Variants in OSBPL1A observed in about 807,000 individuals in gnomAD.
OSBPL1A encodes the protein oxysterol binding protein like 1A.
A neutral mutation model predicts 137.1 loss-of-function variants in OSBPL1A; 80 were observed. The observed-to-expected ratio is 0.58, with a 90% confidence interval of 0.49 to 0.70. OSBPL1A has a LOEUF of 0.70. OSBPL1A is among the 30% of genes least tolerant of loss of function. The pLI, the probability that OSBPL1A is intolerant of heterozygous loss-of-function variation, is 0.00. For synonymous variants in OSBPL1A, 365 were observed against 389.7 expected (o/e 0.94, Z 0.75); for missense variants, 970 against 1,129.4 (o/e 0.86, Z 2.02).
chr18:24,258,971 C>T (rs2146038572), intron 15 of OSBPL1A, among the ~76,000 whole-genome samples: 1 of 131,330 alleles, frequency 7.6e-6, no homozygotes, highest in Admixed American at 8.6e-5. Flanking sequence ...CGGAGTCTCG[C>T]TCTGTCGCCA....
intron 7 of OSBPL1A, among the ~76,000 whole-genome samples, chr18:24,329,819 C>T (rs1446502024): frequency 6.6e-6 from 1 of 152,050 alleles, no homozygotes; most frequent in Non-Finnish European, 1.5e-5. Context: ...TCAAATTCAC[C>T]AAGGAAAGCA....
chr18:24,371,208 G>A (rs1181140440), intron 2 of OSBPL1A, among the ~76,000 whole-genome samples: 1 of 152,084 alleles, frequency 6.6e-6, no homozygotes, highest in Non-Finnish European at 1.5e-5. Context: ...GAGCCCTGTG[G>A]ATTTACACAC....
intron 6 of OSBPL1A, 79 bp downstream of exon 6, chr18:24,334,166 C>G (rs1226749540): frequency 1.4e-5 from 16 of 1,170,352 alleles, no homozygotes; most frequent in Non-Finnish European, 1.9e-5. Context: ...AAATTATTTA[C>G]TTAACATTAA....
intron 1 of OSBPL1A, among the ~76,000 whole-genome samples, chr18:24,388,724 C>T (rs1300602458): frequency 1.3e-5 from 2 of 148,456 alleles, no homozygotes; most frequent in African/African-American, 5.0e-5. Context: ...CGCTTGAACC[C>T]AGGAGGTGGA....
At chr18:24,310,361 G>C (rs1328317216) in intron 13 of OSBPL1A, among the ~76,000 whole-genome samples, 1 of 150,624 alleles carries the variant, frequency 6.6e-6, no homozygotes, top group Non-Finnish European at 1.5e-5. Flanking sequence ...GGACGAGGCG[G>C]GTGGATCACA....
chr18:24,389,596 T>TA (rs1038495263), intron 1 of OSBPL1A, among the ~76,000 whole-genome samples: 15 of 152,286 alleles, frequency 9.8e-5, no homozygotes, highest in African/African-American at 3.6e-4. Flanking sequence ...TGGAGTCTAT[T>TA]ATTTTATCAT....
chr18:24,243,459 C>G (rs2088779622), intron 15 of OSBPL1A, among the ~76,000 whole-genome samples: 1 of 152,120 alleles, frequency 6.6e-6, no homozygotes, highest in Non-Finnish European at 1.5e-5. Context: ...TAAGAATTAA[C>G]TAAAGTATCC....
intron 16 of OSBPL1A, among the ~76,000 whole-genome samples, chr18:24,238,613 A>G (rs1432847261): frequency 6.6e-6 from 1 of 152,232 alleles, no homozygotes; most frequent in Non-Finnish European, 1.5e-5. Context: ...GAAACTATGA[A>G]GAGAGAGGTC....
chr18:24,288,169 G>C lies in OSBPL1A; in HGVS notation c.1175-7221C>G, dbSNP rs550738259. Among the ~76,000 whole-genome samples the C allele has an allele frequency of 2.6e-3, 396 of 152,236 alleles. 1 individual carries two copies. The highest frequency in any genetic ancestry group is 4.5e-3 in the Non-Finnish European group (304 of 68,006). ...TTAGAGAAGTCAAGGAGGAGTTTCT[G>C]GAAACTACATGTAAAAGATGAGAAA... On this transcript the variant is annotated intron_variant, in intron 14 of 27. Coordinates refer to ENST00000319481, the MANE Select transcript of OSBPL1A (RefSeq NM_080597.4).
chr18:24,385,014 G>A (rs1599739137), intron 1 of OSBPL1A, among the ~76,000 whole-genome samples: 1 of 150,878 alleles, frequency 6.6e-6, no homozygotes, highest in African/African-American at 2.4e-5. Flanking sequence ...GAGTGCAGTG[G>A]CACAATCTCG....
At chr18:24,348,741 T>C (rs1399737876) in intron 4 of OSBPL1A, among the ~76,000 whole-genome samples, 2 of 151,830 alleles carry the variant, frequency 1.3e-5, no homozygotes, top group Non-Finnish European at 2.9e-5. Flanking sequence ...ACAACTGCAC[T>C]CCAGCCTGGG....
chr18:24,397,821 C>T lies in OSBPL1A; in HGVS notation c.-169G>A, dbSNP rs1486012491. ...CTGTCTCCGGGACCCGGCGCCGGGA[C>T]CACGGCGGAGCGCGAGGTGGCGCCG... On this transcript the variant is annotated 5_prime_UTR_variant, in exon 1 of 28. Coordinates refer to ENST00000319481, the MANE Select transcript of OSBPL1A (RefSeq NM_080597.4). 1 of 152,314 alleles carries T rather than the reference C, an allele frequency of 6.6e-6. No individual in the cohort carries two copies. Among genetic ancestry groups the T allele is most frequent in the East Asian group, 1.9e-4 (1 of 5,202 alleles). The allele number at this position is 152,314 out of a possible 1,614,324, so 9.4% of individuals were successfully genotyped here. A position where few individuals can be genotyped will look rare whatever the true frequency, so the allele number is the denominator to read the frequency against.
chr18:24,331,193 T>C (rs529247178), intron 7 of OSBPL1A, among the ~76,000 whole-genome samples: 1 of 152,136 alleles, frequency 6.6e-6, no homozygotes, highest in South Asian at 2.1e-4. Context: ...AACCAGACAA[T>C]GAAGTATGAG....
intron 14 of OSBPL1A, among the ~76,000 whole-genome samples, chr18:24,290,899 C>G (rs867055399): frequency 6.6e-6 from 1 of 152,050 alleles, no homozygotes; most frequent in Non-Finnish European, 1.5e-5. Context: ...CTTGCCTAAG[C>G]TCTGGGTGGG....
intron 14 of OSBPL1A, among the ~76,000 whole-genome samples, chr18:24,287,772 A>AAAAAT (rs56768879): frequency 0.066 from 8,989 of 136,098 alleles, 451 homozygotes; most frequent in African/African-American, 0.12. Flanking sequence ...ACTCTGTCTC[A>AAAAAT]AAAATAAAAT....
In OSBPL1A at chr18:24,287,719, C is replaced by T. The variant is rs190476083; in HGVS notation, c.1175-6771G>A. Reference sequence around the variant, plus strand: ...ACCAGGAGGCAGAGGTTGTAGTGAGCCGAGATCGTGCCACTGCACTCCAGC... The same window carrying T: ...ACCAGGAGGCAGAGGTTGTAGTGAGTCGAGATCGTGCCACTGCACTCCAGC... On this transcript the variant is annotated intron_variant, in intron 14 of 27. Coordinates refer to ENST00000319481, the MANE Select transcript of OSBPL1A (RefSeq NM_080597.4). 1.8e-4 allele frequency among the ~76,000 whole-genome samples: 28 copies of T among 151,490 alleles called. No individual in the cohort carries two copies. In the East Asian group the frequency reaches 4.4e-3, roughly 24 times the overall value.
intron 15 of OSBPL1A, among the ~76,000 whole-genome samples, chr18:24,244,459 T>C (rs1191458383): frequency 6.6e-6 from 1 of 152,262 alleles, no homozygotes; most frequent in African/African-American, 2.4e-5. Flanking sequence ...ATATGGAATA[T>C]ACACCCTCAG....
intron 2 of OSBPL1A, among the ~76,000 whole-genome samples, chr18:24,370,219 TCAAAA>T (rs1378974547): frequency 6.6e-6 from 1 of 152,102 alleles, no homozygotes; most frequent in Non-Finnish European, 1.5e-5. Flanking sequence ...AGACACTGTC[TCAAAA>T]CAACAACAAA....
intron 15 of OSBPL1A, among the ~76,000 whole-genome samples, chr18:24,275,828 A>G (rs1399112522): frequency 6.6e-6 from 1 of 151,940 alleles, no homozygotes; most frequent in Admixed American, 6.6e-5. Flanking sequence ...CCTGGGTTCA[A>G]GCGATTCTCC....
Sources: allele counts gnomAD v4.1 joint callset (sites outside exome capture counted in the v4.1 genomes callset), GRCh38; gene constraint gnomAD v4.1.1; transcripts MANE v1.5; gene names NCBI Gene and HGNC (gene_info 2026-07-23, HGNC 2026-07-21).